MAP7D2: variants seen among roughly 807,000 people sequenced by gnomAD.
The protein encoded by MAP7D2 is MAP7 domain-containing protein 2.
MAP7D2 carries 33 observed loss-of-function variants against 63.5 expected under a neutral mutation model. The ratio of observed to expected loss-of-function variants is 0.52; its 90% CI spans 0.39 to 0.70. The LOEUF (loss-of-function observed/expected upper bound fraction) is 0.70. Ranked by LOEUF, MAP7D2 falls within the 30% of genes least tolerant of loss-of-function variation. MAP7D2 has a pLI of 0.00. For missense variants in MAP7D2, 626 were observed against 604.0 expected, an observed-to-expected ratio of 1.04 and a Z score of -0.38; for synonymous variants, 224 against 223.7, an observed-to-expected ratio of 1.00 and a Z score of -0.01.
At chrX:20,014,847 G>A (rs1357961467) in intron 12 of MAP7D2, among the ~76,000 whole-genome samples, 1 of 110,548 alleles carries the variant, frequency 9.0e-6, no homozygotes, top group African/African-American at 3.3e-5. Context: ...CTCCTACGTA[G>A]CTGGGACTAC....
At chrX:20,114,624 T>C (rs1362782972) in intron 1 of MAP7D2, among the ~76,000 whole-genome samples, 1 of 112,348 alleles carries the variant, frequency 8.9e-6, no homozygotes, top group African/African-American at 3.2e-5. Context: ...GAAGAACCTG[T>C]TGCTAGAGGA....
chrX:20,020,247 T>C (rs2073587734), intron 10 of MAP7D2, among the ~76,000 whole-genome samples: 1 of 111,303 alleles, frequency 9.0e-6, no homozygotes, highest in African/African-American at 3.3e-5. Flanking sequence ...CTAGCCCCTC[T>C]TCCCTTCATT....
chrX:20,091,880 A>G (rs186446966), intron 1 of MAP7D2, among the ~76,000 whole-genome samples: 2 of 112,210 alleles, frequency 1.8e-5, no homozygotes, highest in African/African-American at 6.5e-5. Flanking sequence ...GTTTTGAGCA[A>G]GATGGTTTGC....
intron 1 of MAP7D2, among the ~76,000 whole-genome samples, chrX:20,086,432 A>T (rs761765864): frequency 5.8e-4 from 65 of 112,444 alleles, no homozygotes; most frequent in Non-Finnish European, 1.0e-3. Context: ...AGGAAAGGAT[A>T]ATTCTAGTAT....
chrX:20,075,744 C>T (rs1473390374), intron 1 of MAP7D2, among the ~76,000 whole-genome samples: 4 of 111,803 alleles, frequency 3.6e-5, no homozygotes, highest in African/African-American at 9.8e-5. Context: ...TCTATTTCTT[C>T]GACTATTACA....
chrX:20,111,731 G>C (rs1401432548), intron 1 of MAP7D2, among the ~76,000 whole-genome samples: 1 of 111,639 alleles, frequency 9.0e-6, no homozygotes, highest in Non-Finnish European at 1.9e-5. Flanking sequence ...TTTTAAATGG[G>C]TGGACTATAT....
At chrX:20,051,715 T>C (rs1479600487) in intron 5 of MAP7D2, among the ~76,000 whole-genome samples, 2 of 112,272 alleles carry the variant, frequency 1.8e-5, no homozygotes, top group Non-Finnish European at 3.8e-5. Context: ...AGTATAAAAA[T>C]ATATCTTTTC....
chrX:20,065,784 C>T (rs187796993), intron 1 of MAP7D2, among the ~76,000 whole-genome samples: 65 of 112,295 alleles, frequency 5.8e-4, no homozygotes, highest in Non-Finnish European at 2.1e-4. Flanking sequence ...CCAACCCCTG[C>T]AGAACCCTAA....
intron 10 of MAP7D2, among the ~76,000 whole-genome samples, chrX:20,024,087 C>T (rs1260749028): frequency 8.9e-6 from 1 of 111,890 alleles, no homozygotes; most frequent in East Asian, 2.8e-4. Context: ...TACAGCATTG[C>T]CTGCTTCCTG....
chrX:20,080,386 C>A (rs991807697), intron 1 of MAP7D2, among the ~76,000 whole-genome samples: 1 of 109,892 alleles, frequency 9.1e-6, no homozygotes, highest in Non-Finnish European at 1.9e-5. Context: ...TTCTACCCAC[C>A]CTATACAAGG....
intron 3 of MAP7D2, among the ~76,000 whole-genome samples, chrX:20,060,948 TG>T (rs918773169): frequency 9.2e-6 from 1 of 108,411 alleles, no homozygotes; most frequent in African/African-American, 3.4e-5. Flanking sequence ...AGGGCAGGGC[TG>T]GGGTGGGGTC....
intron 4 of MAP7D2, 112 bp downstream of exon 4, chrX:20,056,568 C>T (rs2065073120): frequency 1.8e-6 from 1 of 555,657 alleles, no homozygotes; most frequent in Non-Finnish European, 3.0e-6. Flanking sequence ...CTCTGAAAAG[C>T]TGTGCAAAGC....
intron 4 of MAP7D2, among the ~76,000 whole-genome samples, chrX:20,055,225 T>C (rs1569520983): frequency 1.8e-5 from 2 of 111,319 alleles, no homozygotes; most frequent in Non-Finnish European, 1.9e-5. Context: ...TTAAATAAAA[T>C]CAAGCACAAA....
At chrX:20,028,674 G>A (rs1489292407) in intron 8 of MAP7D2, among the ~76,000 whole-genome samples, 1 of 111,643 alleles carries the variant, frequency 9.0e-6, no homozygotes, top group Non-Finnish European at 1.9e-5. Context: ...CTGTATACCC[G>A]CCACCCAACC....
intron 8 of MAP7D2, among the ~76,000 whole-genome samples, chrX:20,035,607 T>C (rs2074197658): frequency 2.7e-5 from 3 of 111,311 alleles, no homozygotes; most frequent in South Asian, 7.6e-4. Context: ...TATAAAATAG[T>C]TGGCCAGGCG....
At chrX:20,059,628 G>GGGAGGA (rs1569096742) in intron 3 of MAP7D2, among the ~76,000 whole-genome samples, 2 of 62,916 alleles carry the variant, frequency 3.2e-5, no homozygotes, top group African/African-American at 1.9e-4. Context: ...GGAAGGAAGG[G>GGGAGGA]TGGAAGGAAG....
intron 1 of MAP7D2, among the ~76,000 whole-genome samples, chrX:20,094,492 A>ATATATATATATATATATATATG (rs2066158696): frequency 6.6e-4 from 9 of 13,714 alleles, no homozygotes; most frequent in South Asian, 3.8e-3. Flanking sequence ...ACATACATAT[A>ATATATATATATATATATATATG]TATATATATA....
intron 6 of MAP7D2, among the ~76,000 whole-genome samples, chrX:20,048,657 G>A (rs184672554): frequency 9.0e-6 from 1 of 110,691 alleles, no homozygotes; most frequent in Admixed American, 9.7e-5. Context: ...CAGGCATGGT[G>A]GCTCATACCT....
chrX:20,045,527 G>GAAAAAAAAA (rs1170223479), intron 6 of MAP7D2, among the ~76,000 whole-genome samples: 2 of 18,002 alleles, frequency 1.1e-4, no homozygotes, highest in Admixed American at 1.9e-3. Context: ...ACCCCATCTC[G>GAAAAAAAAA]AAAAAAAAAA....
Sources: allele counts gnomAD v4.1 joint callset (sites outside exome capture counted in the v4.1 genomes callset), GRCh38; gene constraint gnomAD v4.1.1; transcripts MANE v1.5; gene names NCBI Gene and HGNC (gene_info 2026-07-23, HGNC 2026-07-21).